PCDHGA1: variants seen among roughly 807,000 people sequenced by gnomAD.
PCDHGA1 encodes the protein protocadherin gamma-A1.
A neutral mutation model predicts 58.0 loss-of-function variants in PCDHGA1; 32 were observed. The observed-to-expected ratio is 0.55, with a 90% CI of 0.42 to 0.74. The LOEUF (loss-of-function observed/expected upper bound fraction) is 0.74, where lower values mean the gene tolerates loss of function less well. PCDHGA1 is among the 30% of genes least tolerant of loss of function. The pLI, the probability that PCDHGA1 is intolerant of heterozygous loss-of-function variation, is 0.00. For missense variants in PCDHGA1, 1,205 were observed against 1,182.3 expected (o/e 1.02, Z -0.28); for synonymous variants, 498 against 501.1 (o/e 0.99, Z 0.08).
Position 141,375,767 on chromosome 5 carries a change from A to T in PCDHGA1, c.2421+42662A>T, listed in dbSNP as rs190439419. ...GGACCAGAATGACAATGCGCCCGAGATCCTGTACCCCGCCCTCCCCACAGA... is the reference window on the plus strand; with the variant it reads ...GGACCAGAATGACAATGCGCCCGAGTTCCTGTACCCCGCCCTCCCCACAGA... On this transcript the variant is annotated intron_variant, in intron 1 of 3. Transcript: ENST00000517417. 3.1e-4 allele frequency: 496 copies of T among 1,614,182 alleles called. 1 individual carries two copies. The highest frequency in any genetic ancestry group is 3.8e-4 in the Non-Finnish European group (444 of 1,180,008).
At chr5:141,428,223 A>G in intron 1 of PCDHGA1, 1 of 1,169,680 alleles carries the variant, frequency 8.5e-7, no homozygotes. Context: ...TAGTCTTCGC[A>G]GACAGCCTGC....
At chr5:141,344,178 G>C (rs1757380514) in intron 1 of PCDHGA1, 1 of 1,614,024 alleles carries the variant, frequency 6.2e-7, no homozygotes, top group African/African-American at 1.3e-5. Flanking sequence ...GGGCAACATC[G>C]CTAACGACCT....
At chr5:141,356,493 A>C in intron 1 of PCDHGA1, 1 of 1,613,938 alleles carries the variant, frequency 6.2e-7, no homozygotes, top group Non-Finnish European at 8.5e-7. Flanking sequence ...GAACTCCTCC[A>C]CTGTCTACAG....
Position 141,419,293 on chromosome 5 carries a change from C to A in PCDHGA1, c.2422-75514C>A, listed in dbSNP as rs748856660. 1.5e-5 allele frequency: 25 copies of A among 1,614,026 alleles called. No individual in the cohort carries two copies. The African/African-American group carries it at 3.2e-4, about 21-fold the overall frequency. Reference sequence around the variant, plus strand: ...CCATAGCGCAAGTCAGTGCCTCTGACCCAGACTTCGGGCTCAACGGCCGTG... The same window carrying A: ...CCATAGCGCAAGTCAGTGCCTCTGAACCAGACTTCGGGCTCAACGGCCGTG... On this transcript the variant is annotated intron_variant, in intron 1 of 3. Transcript: ENST00000517417.
chr5:141,423,488 ATTC>A, intron 1 of PCDHGA1: 1 of 1,613,954 alleles, frequency 6.2e-7, no homozygotes, highest in Non-Finnish European at 8.5e-7. Flanking sequence ...CTGCAAACCT[ATTC>A]CCACGAGGTC....
rs763792447 is a variant in PCDHGA1, at chr5:141,362,267, T to C, written c.2421+29162T>C. On this transcript the variant is annotated intron_variant, in intron 1 of 3. Coordinates refer to ENST00000517417, the MANE Select transcript of PCDHGA1 (RefSeq NM_018912.3). ...TTCTTCCTCGCGGTGATTCTGGCAA[T>C]CTCCCTGCGCCTGCGACTCTCTTCC... The C allele has an allele frequency of 4.3e-6, 7 of 1,613,980 alleles. No homozygotes were observed. The Admixed American group carries it at 1.2e-4, about 27-fold the overall frequency.
chr5:141,341,496 A>T, intron 1 of PCDHGA1: 2 of 1,558,204 alleles, frequency 1.3e-6, no homozygotes, highest in Non-Finnish European at 1.7e-6. Flanking sequence ...CCTTGAGGGT[A>T]GAGTCAAGTT....
Position 141,486,904 on chromosome 5 carries a change from C to G in PCDHGA1, c.2422-7903C>G. On this transcript the variant is annotated intron_variant, in intron 1 of 3. Transcript: ENST00000517417. This position sits in a 1 kb window ranked among gnomAD's most constrained non-coding sequence, Gnocchi z 5.0. The stretch of plus-strand genomic sequence containing the variant: ...GGGCCCGGCCTGGTTCCTTATGTCC[C>G]CAAGCACTGCCTCCATCAGTTGGTG... 6.2e-7 allele frequency: 1 copy of G among 1,614,226 alleles called. No individual in the cohort carries two copies. The highest frequency in any genetic ancestry group is 1.1e-5 in the South Asian group (1 of 91,080).
chr5:141,352,563 C>T (rs1460025344), intron 1 of PCDHGA1: 3 of 1,613,816 alleles, frequency 1.9e-6, no homozygotes, highest in African/African-American at 1.3e-5. Context: ...AACCTGACAC[C>T]GGAAATGGCT....
intron 1 of PCDHGA1, among the ~76,000 whole-genome samples, chr5:141,456,206 T>C (rs966457070): frequency 6.6e-6 from 1 of 152,098 alleles, no homozygotes; most frequent in African/African-American, 2.4e-5. Context: ...ACCACATTCC[T>C]CCCTGTGGCG....
intron 2 of PCDHGA1, among the ~76,000 whole-genome samples, chr5:141,496,008 C>CT (rs1468405718): frequency 2.0e-5 from 3 of 151,956 alleles, no homozygotes; most frequent in Non-Finnish European, 4.4e-5. Flanking sequence ...TTTATCTTGT[C>CT]TTTTTTCTCT....
intron 1 of PCDHGA1, among the ~76,000 whole-genome samples, chr5:141,472,688 A>G (rs970538300): frequency 2.0e-5 from 3 of 151,384 alleles, no homozygotes; most frequent in African/African-American, 7.3e-5. Context: ...CATTTCCCCT[A>G]GAAATAAGTG....
At chr5:141,422,997 C>A in intron 1 of PCDHGA1, 3 of 1,614,218 alleles carry the variant, frequency 1.9e-6, no homozygotes, top group Non-Finnish European at 2.5e-6. Flanking sequence ...ACCTGGTGAC[C>A]AAGGTGGTTG....
intron 1 of PCDHGA1, chr5:141,339,156 A>AG: frequency 6.2e-7 from 1 of 1,614,206 alleles, no homozygotes; most frequent in East Asian, 2.2e-5. Context: ...CTGGCAGAGC[A>AG]GGGAGTCCGC....
intron 1 of PCDHGA1, chr5:141,360,695 A>G (rs772748568): frequency 3.1e-6 from 5 of 1,613,988 alleles, no homozygotes; most frequent in Non-Finnish European, 3.4e-6. Flanking sequence ...CAGACTCCAG[A>G]TGGTCGTAAA....
At chr5:141,372,971 AG>A in intron 1 of PCDHGA1, 1 of 677,376 alleles carries the variant, frequency 1.5e-6, no homozygotes, top group South Asian at 2.2e-5. Context: ...AATTTCCTGT[AG>A]AATATCTGTG....
In PCDHGA1 at chr5:141,409,983, T is replaced by C. The variant is rs1481655663; in HGVS notation, c.2421+76878T>C. The C allele has an allele frequency of 1.2e-6, 2 of 1,613,160 alleles. No individual in the cohort carries two copies. Among genetic ancestry groups the C allele is most frequent in the African/African-American group, 2.7e-5 (2 of 74,914 alleles). On this transcript the variant is annotated intron_variant, in intron 1 of 3. Coordinates refer to ENST00000517417, the MANE Select transcript of PCDHGA1 (RefSeq NM_018912.3). ...TACCTAGTGACTAAGGTGGTAGCGG[T>C]GGACGCCGACTCGGGACACAACGCC... is the stretch of plus-strand genomic sequence containing the variant.
chr5:141,403,787 T>A (rs1213408515), intron 1 of PCDHGA1: 3 of 1,613,818 alleles, frequency 1.9e-6, no homozygotes, highest in Non-Finnish European at 2.5e-6. Flanking sequence ...AAAAGTGGCA[T>A]ACAAATTCTG....
At chr5:141,499,625 C>A (rs1238895570) in intron 2 of PCDHGA1, among the ~76,000 whole-genome samples, 1 of 149,832 alleles carries the variant, frequency 6.7e-6, no homozygotes, top group East Asian at 2.0e-4. Flanking sequence ...TCCTTGGATT[C>A]TTTTGAAGCA....
Sources: allele counts gnomAD v4.1 joint callset (sites outside exome capture counted in the v4.1 genomes callset), GRCh38; gene constraint gnomAD v4.1.1; non-coding constraint Gnocchi (gnomAD v3.1); transcripts MANE v1.5; gene names NCBI Gene and HGNC (gene_info 2026-07-23, HGNC 2026-07-21).